Variants in PCNX3 observed in about 807,000 individuals in gnomAD.
The protein encoded by PCNX3 is pecanex 3.
Under a neutral mutation model 207.2 loss-of-function variants are expected in PCNX3, and 58 were observed. The ratio of observed to expected loss-of-function variants is 0.28; its 90% CI spans 0.23 to 0.35. The LOEUF (loss-of-function observed/expected upper bound fraction) is 0.35. Among genes scored for constraint, PCNX3 ranks in the 10% least tolerant of loss-of-function variants. The pLI is 1.00. For missense variants in PCNX3, 2,410 were observed against 2,774.4 expected (o/e 0.87, Z 2.95); for synonymous variants, 1,337 against 1,183.5 (o/e 1.13, Z -2.66).
At chr11:65,632,797 T>C (rs1309832699) in intron 27 of PCNX3, among the ~76,000 whole-genome samples, 1 of 151,068 alleles carries the variant, frequency 6.6e-6, no homozygotes, top group Non-Finnish European at 1.5e-5. Flanking sequence ...CAGGCTGGAG[T>C]GCAGTGGTGC....
rs933088620 is a variant in PCNX3, at chr11:65,635,731, A to G, written c.5387A>G (p.Gln1796Arg). ...ACCTCGCTGGCTGGCAGCCACCCCC[A>G]GCTACGGGCACTGTGGGGTGGCCCC... ...LTTSLAGSHP[Q>R]LRALWGGPIS... is the part of the protein sequence containing the mutation. Residue 1796 changes from glutamine (Q) to arginine (R), a missense_variant, in exon 32 of 35, where the codon CAG (glutamine) becomes CGG (arginine). Gln to Arg is a conservative substitution (Grantham distance 43). Coordinates refer to ENST00000355703, the MANE Select transcript of PCNX3 (RefSeq NM_032223.4). The surrounding 1 kb of genome is among the most constrained non-coding windows in gnomAD (Gnocchi z 9.9). 4 of 1,605,496 alleles carry G rather than the reference A, an allele frequency of 2.5e-6. No homozygotes were observed. Among genetic ancestry groups the G allele is most frequent in the Non-Finnish European group, 3.4e-6 (4 of 1,176,622 alleles).
chr11:65,617,062 C>A, intron 2 of PCNX3, 51 bp downstream of exon 2: 1 of 1,530,298 alleles, frequency 6.5e-7, no homozygotes, highest in South Asian at 1.2e-5. Context: ...GGTGCCTGGG[C>A]CGGAACCTTG....
At position 65,627,295 on chromosome 11, in the gene PCNX3, A is replaced by G. The variant is rs975097444; in HGVS notation, c.3525-110A>G. 3.2e-6 allele frequency: 4 copies of G among 1,267,350 alleles called. No homozygotes were observed. The East Asian group carries it at 1.0e-4, about 32-fold the overall frequency. The allele number at this position is 1,267,350 out of a possible 1,614,324, so 78.5% of individuals were successfully genotyped here. Reference sequence around the variant, plus strand: ...CCAAAAGAGCAGGGACCAGCCCAGCAGAGCAGAGGCCAGGGGTTGCTCTCC... The same window carrying G: ...CCAAAAGAGCAGGGACCAGCCCAGCGGAGCAGAGGCCAGGGGTTGCTCTCC... On this transcript the variant is annotated intron_variant, in intron 21 of 34. Coordinates refer to ENST00000355703, the MANE Select transcript of PCNX3 (RefSeq NM_032223.4).
At chr11:65,622,849 G>A (rs994535370) in intron 11 of PCNX3, among the ~76,000 whole-genome samples, 32 of 151,980 alleles carry the variant, frequency 2.1e-4, no homozygotes, top group African/African-American at 7.0e-4. Context: ...TGATCTGCCC[G>A]CCTCGGCCTC....
rs1441424709 is a variant in PCNX3 at position 65,625,266 on chromosome 11, C to T, written c.3015C>T (p.Asp1005=). 2 of 1,608,746 alleles carry T rather than the reference C, an allele frequency of 1.2e-6. No homozygotes were observed. The highest frequency in any genetic ancestry group is 1.3e-5 in the African/African-American group (1 of 74,974). ...ACCACCTGAGCCGGCAGAGCAGCGACCCCACCGTGCTCTGGTGGGTGTGCT... is the reference window on the plus strand; with the variant it reads ...ACCACCTGAGCCGGCAGAGCAGCGATCCCACCGTGCTCTGGTGGGTGTGCT... The part of the protein sequence containing the change: ...LSYHLSRQSS[D]PTVLWSLIRS... The change falls in exon 17 of 35, where the codon GAC becomes GAT. Residue 1005 remains aspartate, a synonymous_variant. Transcript: ENST00000355703. The surrounding 1 kb of genome is among the most constrained non-coding windows in gnomAD (Gnocchi z 5.6).
At chr11:65,617,790 GGTCTCCTCT>G (rs551854655) in intron 5 of PCNX3, 84 bp downstream of exon 5, 1,322 of 1,504,288 alleles carry the variant, frequency 8.8e-4, no homozygotes, top group Admixed American at 1.3e-3. Context: ...CTCCATCCTG[GGTCTCCTCT>G]GTATTCCTCT....
chr11:65,625,278 C>G lies in PCNX3; in HGVS notation c.3027C>G (p.Leu1009=), dbSNP rs1264762703. ...GGCAGAGCAGCGACCCCACCGTGCT[C>G]TGGTGGGTGTGCTCCGGGTCGTGTG... is the stretch of plus-strand genomic sequence containing the variant. ...LSRQSSDPTV[L]WSLIRSKLFP... Residue 1009 remains leucine (L), a splice_region_variant and synonymous_variant, in exon 17 of 35, where the codon CTC becomes CTG. Coordinates refer to ENST00000355703, the MANE Select transcript of PCNX3 (RefSeq NM_032223.4). The surrounding 1 kb of genome is among the most constrained non-coding windows in gnomAD (Gnocchi z 5.6). 1.2e-6 allele frequency: 2 copies of G among 1,606,422 alleles called. No homozygotes were observed. Among genetic ancestry groups the G allele is most frequent in the Admixed American group, 1.7e-5 (1 of 59,902 alleles).
chr11:65,634,475 C>T, intron 28 of PCNX3, 63 bp from the exon 29 acceptor site: 1 of 1,524,296 alleles, frequency 6.6e-7, no homozygotes, highest in Non-Finnish European at 8.8e-7. Context: ...GCCCCAGCCC[C>T]CACTCCAAGG....
In PCNX3 at chr11:65,625,295, G is replaced by T; in HGVS notation, c.3029+15G>T. The T allele has an allele frequency of 6.2e-7, 1 of 1,601,636 alleles. No homozygotes were observed. The highest frequency in any genetic ancestry group is 8.5e-7 in the Non-Finnish European group (1 of 1,173,890). ...ACCGTGCTCTGGTGGGTGTGCTCCG[G>T]GTCGTGTGTTTGTGTCTGCCCAGTA... On this transcript the variant is annotated intron_variant, in intron 17 of 34. Coordinates refer to ENST00000355703, the MANE Select transcript of PCNX3 (RefSeq NM_032223.4). The surrounding 1 kb of genome is among the most constrained non-coding windows in gnomAD (Gnocchi z 5.6).
intron 27 of PCNX3, among the ~76,000 whole-genome samples, chr11:65,631,929 C>T (rs1171083446): frequency 6.6e-6 from 1 of 152,200 alleles, no homozygotes; most frequent in Non-Finnish European, 1.5e-5. Context: ...GTCATTCCTT[C>T]TGCCCTCCCA....
chr11:65,625,799 A>G lies in PCNX3; in HGVS notation c.3228+55A>G. On this transcript the variant is annotated intron_variant, in intron 19 of 34. Transcript: ENST00000355703. The surrounding 1 kb of genome is among the most constrained non-coding windows in gnomAD (Gnocchi z 5.6). ...TCGCTGTCTTGGCGGGAGCCTGCTC[A>G]ATCTGAGTGCCGTGGGCAGCCCCTC... 2 of 1,597,236 alleles carry G rather than the reference A, an allele frequency of 1.3e-6. No homozygotes were observed. Among genetic ancestry groups the G allele is most frequent in the Non-Finnish European group, 1.7e-6 (2 of 1,173,030 alleles).
intron 10 of PCNX3, among the ~76,000 whole-genome samples, chr11:65,621,794 T>C (rs1308583431): frequency 6.6e-6 from 1 of 152,174 alleles, no homozygotes; most frequent in African/African-American, 2.4e-5. Flanking sequence ...AGGGCTGGCA[T>C]TGGCACCTAG....
rs1306230668 is a variant in PCNX3 at position 65,629,771 on chromosome 11, A to G, written c.4216+36A>G. 5.2e-6 allele frequency: 8 copies of G among 1,539,446 alleles called. No individual in the cohort carries two copies. In the Admixed American group the frequency reaches 1.4e-4, roughly 26 times the overall value. On this transcript the variant is annotated intron_variant, in intron 26 of 34. Transcript: ENST00000355703. ...GGACCAGGCTCGGGTGGGCAGGCAC[A>G]GCTCGGGCCTGATGTGGGAGCTGTG...
At chr11:65,621,479 C>T (rs937309833) in intron 10 of PCNX3, among the ~76,000 whole-genome samples, 2 of 152,240 alleles carry the variant, frequency 1.3e-5, no homozygotes, top group African/African-American at 2.4e-5. Context: ...ATGCGTGAAA[C>T]GCCATCTTAG....
chr11:65,631,841 G>A (rs1025855156), intron 27 of PCNX3, among the ~76,000 whole-genome samples: 2 of 152,050 alleles, frequency 1.3e-5, no homozygotes, highest in Admixed American at 6.5e-5. Flanking sequence ...GTTCTCTCTG[G>A]AGTAGTTTCA....
In PCNX3 at chr11:65,629,609, C is replaced by T. The variant is rs750527263; in HGVS notation, c.4090C>T (p.Arg1364Cys). The stretch of plus-strand genomic sequence containing the variant: ...ACTGTGTGGGGACCTGGTGCTGGGC[C>T]GCTGGGGCAACTATGGCCCTGGTGA... ...HTLCGDLVLGRWGNYGPGDCF... is the reference protein window; with the variant it reads ...HTLCGDLVLGCWGNYGPGDCF... The change falls in exon 26 of 35, where the codon CGC (arginine) becomes TGC (cysteine). Residue 1364 changes from arginine to cysteine, a missense_variant. Around this residue, in one of 8 missense-constraint regions of PCNX3, gnomAD observed 420 missense variants for 705.3 expected, o/e 0.60. Transcript: ENST00000355703. The T allele has an allele frequency of 6.2e-7, 1 of 1,611,742 alleles. No individual in the cohort carries two copies. Among genetic ancestry groups the T allele is most frequent in the Non-Finnish European group, 8.5e-7 (1 of 1,178,958 alleles).
At position 65,636,554 on chromosome 11, in the gene PCNX3, A is replaced by C; in HGVS notation, c.5757A>C (p.Ser1919=). 1 of 1,594,516 alleles carries C rather than the reference A, an allele frequency of 6.3e-7. No individual in the cohort carries two copies. Among genetic ancestry groups the C allele is most frequent in the South Asian group, 1.1e-5 (1 of 89,454 alleles). Residue 1919 remains serine, a synonymous_variant, in exon 34 of 35, where the codon TCA becomes TCC. Transcript: ENST00000355703. The part of the protein sequence containing the change: ...SPIPTEGPRT[S]RPPGPGLLSS... ...TCCCCACAGAGGGTCCCCGGACCTC[A>C]CGGCCCCCTGGCCCGGGTCTCCTCA...
Position 65,616,674 on chromosome 11 carries a change from A to G in PCNX3, c.154-150A>G, listed in dbSNP as rs536346494. On this transcript the variant is annotated intron_variant, in intron 1 of 34. Transcript: ENST00000355703. ...TCTCATCCAGCTAAGCAGAATACAG[A>G]GCCCTTTGTCGAGGTCTGTGTACTG... The G allele has an allele frequency of 8.8e-4, 879 of 1,004,096 alleles. 2 individuals carry two copies. Among genetic ancestry groups the G allele is most frequent in the Non-Finnish European group, 1.1e-3 (791 of 690,768 alleles). The allele number at this position is 1,004,096 out of a possible 1,614,324, so 62.2% of individuals were successfully genotyped here. A position where few individuals can be genotyped will look rare whatever the true frequency, so the allele number is the denominator to read the frequency against.
Position 65,636,175 on chromosome 11 carries a change from C to A in PCNX3, c.5461C>A (p.Leu1821Ile). 1 of 1,599,798 alleles carries A rather than the reference C, an allele frequency of 6.3e-7. No homozygotes were observed. The highest frequency in any genetic ancestry group is 8.5e-7 in the Non-Finnish European group (1 of 1,173,186). The change falls in exon 33 of 35, where the codon CTT (leucine) becomes ATT (isoleucine). Residue 1821 changes from leucine to isoleucine, a missense_variant and splice_region_variant. Leu to Ile is a conservative substitution (Grantham distance 5). Coordinates refer to ENST00000355703, the MANE Select transcript of PCNX3 (RefSeq NM_032223.4). ...AHWLLRTWER[L>I]HKGCGAGCNS... ...CCTTTTCTACCTCTCCACCCCCAGG[C>A]TTCACAAGGGCTGTGGCGCCGGCTG...
Sources: allele counts gnomAD v4.1 joint callset (sites outside exome capture counted in the v4.1 genomes callset), GRCh38; gene constraint gnomAD v4.1.1; regional missense constraint gnomAD v4.1.1; non-coding constraint Gnocchi (gnomAD v3.1); transcripts MANE v1.5; gene names NCBI Gene and HGNC (gene_info 2026-07-23, HGNC 2026-07-21).